Variants in ZFHX3 observed in about 807,000 individuals in gnomAD.
ZFHX3 encodes the protein zinc finger homeobox 3, also known as zinc finger homeobox protein 3.
ZFHX3 carries 42 observed loss-of-function variants against 279.1 expected under a neutral mutation model. That is an observed-to-expected ratio of 0.15 (90% CI 0.12 to 0.19). The LOEUF is 0.19. Among genes scored for constraint, ZFHX3 ranks in the 10% least tolerant of loss-of-function variants. The pLI is 1.00. For synonymous variants in ZFHX3, 2,293 were observed against 1,957.8 expected (o/e 1.17, Z -4.52); for missense variants, 4,981 against 4,754.0 (o/e 1.05, Z -1.40).
At chr16:73,748,463 C>T (rs1473442361) in intron 1 of ZFHX3, among the ~76,000 whole-genome samples, 1 of 152,144 alleles carries the variant, frequency 6.6e-6, no homozygotes, top group East Asian at 1.9e-4. Context: ...CAGCTTCATT[C>T]ATTCATTGAC....
chr16:73,792,747 T>G (rs1342095468), intron 1 of ZFHX3, among the ~76,000 whole-genome samples: 1 of 152,134 alleles, frequency 6.6e-6, no homozygotes, highest in Non-Finnish European at 1.5e-5. Flanking sequence ...TCGAAAAGGC[T>G]GGCGGCTCAA....
At chr16:73,218,855 G>A (rs1056756576) in intron 5 of ZFHX3, among the ~76,000 whole-genome samples, 1 of 152,112 alleles carries the variant, frequency 6.6e-6, no homozygotes, top group Non-Finnish European at 1.5e-5. Flanking sequence ...GTGTCATTAA[G>A]TACATCCACA....
intron 3 of ZFHX3, among the ~76,000 whole-genome samples, chr16:73,415,205 G>T (rs944389993): frequency 1.3e-4 from 20 of 152,116 alleles, no homozygotes; most frequent in Non-Finnish European, 2.4e-4. Flanking sequence ...ATTTCTAATT[G>T]TATATTTAAA....
chr16:73,229,378 A>G (rs970292036), intron 5 of ZFHX3, among the ~76,000 whole-genome samples: 1 of 152,222 alleles, frequency 6.6e-6, no homozygotes, highest in African/African-American at 2.4e-5. Context: ...ATATATTTTG[A>G]ATAAAAGTAA....
chr16:73,048,614 A>C (rs1294909607), upstream of ZFHX3, among the ~76,000 whole-genome samples: 1 of 152,188 alleles, frequency 6.6e-6, no homozygotes, highest in African/African-American at 2.4e-5. Flanking sequence ...CGGCCACTAA[A>C]AGGAGCCTGA....
At chr16:72,881,196 G>A (rs1013694745) in intron 4 of ZFHX3, among the ~76,000 whole-genome samples, 4 of 152,170 alleles carry the variant, frequency 2.6e-5, no homozygotes, top group Non-Finnish European at 4.4e-5. Flanking sequence ...TGAGCCCCAT[G>A]GCACTATTAA....
chr16:72,794,609 G>A lies in ZFHX3; in HGVS notation c.8073C>T (p.Asn2691=), dbSNP rs1567514390. The change falls in exon 9 of 10, where the codon AAC becomes AAT. Residue 2691 remains asparagine (N), a synonymous_variant. Transcript: ENST00000268489. This position sits in a 1 kb window ranked among gnomAD's most constrained non-coding sequence, Gnocchi z 4.2. ...KKRVVQVWFQ[N]TRARERKGQF... ...GTCCTTTCCTTTCCCGAGCTCGGGTGTTCTGAAACCAGACTTGTACCACAC... is the reference window on the plus strand; with the variant it reads ...GTCCTTTCCTTTCCCGAGCTCGGGTATTCTGAAACCAGACTTGTACCACAC... The A allele has an allele frequency of 5.0e-6, 8 of 1,614,098 alleles. No individual in the cohort carries two copies. The highest frequency in any genetic ancestry group is 6.8e-6 in the Non-Finnish European group (8 of 1,180,054).
rs535096999 is a variant in ZFHX3 at position 73,182,349 on chromosome 16, C to T, written c.-1103-38518G>A. Among the ~76,000 whole-genome samples, 30 of 152,110 alleles carry T rather than the reference C, an allele frequency of 2.0e-4. No individual in the cohort carries two copies. In the South Asian group the frequency reaches 5.4e-3, roughly 27 times the overall value. On this transcript the variant is annotated intron_variant, in intron 5 of 17. Coordinates refer to the ZFHX3 transcript ENST00000641206. ...GCGCATGCCTGTAATCCCAGCTACT[C>T]GGGAGGCTGAGGCATGAGAATCGCT...
intron 5 of ZFHX3, among the ~76,000 whole-genome samples, chr16:73,255,929 C>T (rs148441992): frequency 6.6e-5 from 10 of 152,268 alleles, no homozygotes; most frequent in African/African-American, 1.7e-4. Context: ...AGGAGTCTGC[C>T]GTCTTGGTTG....
chr16:73,008,030 T>TC (rs1369310395), intron 1 of ZFHX3, among the ~76,000 whole-genome samples: 1 of 152,206 alleles, frequency 6.6e-6, no homozygotes, highest in African/African-American at 2.4e-5. Flanking sequence ...TGGCCTTTTT[T>TC]CCCAAATAGC....
Position 72,959,580 on chromosome 16 carries a change from G to C in ZFHX3, c.566C>G (p.Pro189Arg). 5 of 1,614,202 alleles carry C rather than the reference G, an allele frequency of 3.1e-6. No homozygotes were observed. Among genetic ancestry groups the C allele is most frequent in the Non-Finnish European group, 4.2e-6 (5 of 1,180,042 alleles). The change falls in exon 2 of 10, where the codon CCC (proline) becomes CGC (arginine). Residue 189 changes from proline (P) to arginine (R), a missense_variant. Coordinates refer to ENST00000268489, the MANE Select transcript of ZFHX3 (RefSeq NM_006885.4). ...AGTGTTGATGATCTGCGGGTACACG[G>C]GTGCAGCACACGAAGGGTCCCCTTG... is the stretch of plus-strand genomic sequence containing the variant. The part of the protein sequence containing the change: ...GKQGDPSCAA[P>R]VYPQIINTFH...
At chr16:72,914,470 A>G (rs962003287) in intron 3 of ZFHX3, among the ~76,000 whole-genome samples, 4 of 152,176 alleles carry the variant, frequency 2.6e-5, no homozygotes, top group Non-Finnish European at 4.4e-5. Context: ...ACAAAGCAAT[A>G]AAGCTCAGAG....
intron 2 of ZFHX3, among the ~76,000 whole-genome samples, chr16:73,523,554 G>A (rs1260000538): frequency 1.3e-5 from 2 of 151,648 alleles, no homozygotes; most frequent in East Asian, 3.9e-4. Flanking sequence ...CCCTCACCCT[G>A]GATCCTTGGC....
chr16:73,309,263 C>T (rs574855127), intron 4 of ZFHX3, among the ~76,000 whole-genome samples: 5 of 152,180 alleles, frequency 3.3e-5, no homozygotes, highest in Admixed American at 2.0e-4. Context: ...CAGTGTCTCT[C>T]GTTCCCCTCC....
At chr16:73,297,322 G>A (rs536837528) in intron 4 of ZFHX3, among the ~76,000 whole-genome samples, 41 of 151,920 alleles carry the variant, frequency 2.7e-4, no homozygotes, top group Non-Finnish European at 4.7e-4. Flanking sequence ...ATAATGAAGA[G>A]CCCTCTTATG....
At chr16:72,965,868 C>A (rs1312698173) in intron 1 of ZFHX3, among the ~76,000 whole-genome samples, 2 of 152,208 alleles carry the variant, frequency 1.3e-5, no homozygotes, top group South Asian at 4.2e-4. Context: ...GAGGAATTAG[C>A]GATTAGCTGT....
chr16:73,609,797 T>C (rs543625888), intron 2 of ZFHX3: 4 of 152,198 alleles, frequency 2.6e-5, no homozygotes, highest in Admixed American at 2.0e-4. Flanking sequence ...CCCAATCAAG[T>C]TGAATCCTAA....
chr16:72,913,753 T>G (rs2039375749), intron 3 of ZFHX3, among the ~76,000 whole-genome samples: 2 of 152,210 alleles, frequency 1.3e-5, no homozygotes, highest in South Asian at 4.1e-4. Context: ...GTAAAAGAGA[T>G]AAACTTCTCT....
At chr16:72,937,564 C>T (rs1301780566) in intron 3 of ZFHX3, among the ~76,000 whole-genome samples, 1 of 152,212 alleles carries the variant, frequency 6.6e-6, no homozygotes, top group Non-Finnish European at 1.5e-5. Context: ...GGTTGCTGGG[C>T]AATGCGGCCT....
Sources: allele counts gnomAD v4.1 joint callset (sites outside exome capture counted in the v4.1 genomes callset), GRCh38; gene constraint gnomAD v4.1.1; non-coding constraint Gnocchi (gnomAD v3.1); transcripts MANE v1.5; gene names NCBI Gene and HGNC (gene_info 2026-07-23, HGNC 2026-07-21).